CDK13: variants seen among roughly 807,000 people sequenced by gnomAD.
The protein encoded by CDK13 is cyclin dependent kinase 13.
In CDK13, 40 loss-of-function variants were observed where a neutral mutation model predicts 137.6. The observed-to-expected ratio is 0.29, with a 90% CI of 0.23 to 0.38. The LOEUF is 0.38. CDK13 is among the 10% of genes least tolerant of loss of function. The probability of loss-of-function intolerance (pLI) is 1.00; values close to 1 mark genes in which losing one functional copy is unlikely to be tolerated. For missense variants in CDK13, 1,704 were observed against 1,951.8 expected (o/e 0.87, Z 2.39); for synonymous variants, 869 against 760.1 (o/e 1.14, Z -2.36).
intron 1 of CDK13, among the ~76,000 whole-genome samples, chr7:39,966,806 C>G (rs1783882453): frequency 6.6e-6 from 1 of 152,072 alleles, no homozygotes; most frequent in Non-Finnish European, 1.5e-5. Flanking sequence ...GATGTCCTTT[C>G]TGCTTGTTAG....
intron 12 of CDK13, among the ~76,000 whole-genome samples, chr7:40,088,898 C>A (rs533636825): frequency 2.6e-5 from 4 of 151,872 alleles, no homozygotes; most frequent in South Asian, 4.2e-4. Flanking sequence ...TGGCCAACAT[C>A]GCGAAACCCC....
At chr7:40,024,519 A>G (rs1018254053) in intron 5 of CDK13, among the ~76,000 whole-genome samples, 2 of 152,132 alleles carry the variant, frequency 1.3e-5, no homozygotes, top group African/African-American at 4.8e-5. Context: ...TTGCTCTTAA[A>G]AATTCTACCT....
At chr7:40,014,654 A>G (rs1253461535) in intron 5 of CDK13, among the ~76,000 whole-genome samples, 1 of 151,286 alleles carries the variant, frequency 6.6e-6, no homozygotes, top group Admixed American at 6.6e-5. Flanking sequence ...TGTGGTTTCA[A>G]CATGTTGCCG....
At chr7:40,093,393 A>T (rs1274129629) in intron 13 of CDK13, among the ~76,000 whole-genome samples, 156 bp downstream of exon 13, 1 of 152,230 alleles carries the variant, frequency 6.6e-6, no homozygotes, top group Admixed American at 6.5e-5. Context: ...CAGTCTGTTT[A>T]CTTCCAGGAA....
At chr7:39,979,504 C>T (rs1256916790) in intron 1 of CDK13, among the ~76,000 whole-genome samples, 1 of 152,032 alleles carries the variant, frequency 6.6e-6, no homozygotes, top group African/African-American at 2.4e-5. Flanking sequence ...GTCTGAGCCA[C>T]CACACGTGGC....
Position 40,023,644 on chromosome 7 carries a change from C to T in CDK13, c.2353+21613C>T, listed in dbSNP as rs564876559. Among the ~76,000 whole-genome samples, 128 of 152,164 alleles carry T rather than the reference C, an allele frequency of 8.4e-4. 1 individual carries two copies. Among genetic ancestry groups the T allele is most frequent in the Admixed American group, 2.7e-3 (42 of 15,290 alleles). ...CCTTCAGAGTGGCTGGGACTGCAGGCGCCCGCCACCACGCCTGGCTAATTT... is the reference window on the plus strand; with the variant it reads ...CCTTCAGAGTGGCTGGGACTGCAGGTGCCCGCCACCACGCCTGGCTAATTT... On this transcript the variant is annotated intron_variant, in intron 5 of 13. Coordinates refer to ENST00000181839, the MANE Select transcript of CDK13 (RefSeq NM_003718.5).
intron 1 of CDK13, 47 bp downstream of exon 1, chr7:39,951,899 G>C (rs1372090959): frequency 2.3e-6 from 3 of 1,321,296 alleles, no homozygotes; most frequent in Non-Finnish European, 2.9e-6. Flanking sequence ...GCGCTGGCCA[G>C]ATCCCCAGGA....
At position 39,982,651 on chromosome 7, in the gene CDK13, A is replaced by G. The variant is rs867217450; in HGVS notation, c.1212-4948A>G. On this transcript the variant is annotated intron_variant, in intron 1 of 13. Transcript: ENST00000181839. ...ACACCAACAGTGTAAAAGTGTTCCTATTTCTCCACATCCTCTCCAGCACCT... is the reference window on the plus strand; with the variant it reads ...ACACCAACAGTGTAAAAGTGTTCCTGTTTCTCCACATCCTCTCCAGCACCT... Among the ~76,000 whole-genome samples, 90 of 152,238 alleles carry G rather than the reference A, an allele frequency of 5.9e-4. 1 individual carries two copies. Among genetic ancestry groups the G allele is most frequent in the African/African-American group, 2.0e-3 (83 of 41,520 alleles).
chr7:39,958,412 G>A (rs1448690949), intron 1 of CDK13, among the ~76,000 whole-genome samples: 2 of 151,952 alleles, frequency 1.3e-5, no homozygotes, highest in Non-Finnish European at 2.9e-5. Flanking sequence ...GAAATTTTCC[G>A]TTAGTATAGA....
chr7:40,013,852 G>T (rs1289068161), intron 5 of CDK13, among the ~76,000 whole-genome samples: 1 of 152,108 alleles, frequency 6.6e-6, no homozygotes, highest in African/African-American at 2.4e-5. Context: ...AGTCCAAATT[G>T]AGAGGGATAG....
rs1440867640 is a variant in CDK13 at position 40,097,892 on chromosome 7, A to T, written c.*2912A>T. On this transcript the variant is annotated 3_prime_UTR_variant, in exon 14 of 14. Transcript: ENST00000181839. ...AGAGCTTTATTCTGTCAGCAAATAC[A>T]TAGTCAGTGCCTACAACATGCCAGG... 6.6e-6 allele frequency: 1 copy of T among 152,186 alleles called. No homozygotes were observed. The highest frequency in any genetic ancestry group is 1.5e-5 in the Non-Finnish European group (1 of 68,000). 9.4% of individuals were successfully genotyped at this position (152,186 alleles called of 1,614,324 possible). A position where few individuals can be genotyped will look rare whatever the true frequency, so the allele number is the denominator to read the frequency against.
intron 4 of CDK13, 52 bp from the exon 5 acceptor site, chr7:40,001,809 T>C (rs1784691185): frequency 9.0e-7 from 1 of 1,109,666 alleles, no homozygotes; most frequent in Admixed American, 2.2e-5. Flanking sequence ...TTAAGAAAAA[T>C]GTCATCTGCT....
At chr7:40,050,616 C>A (rs1159751540) in intron 7 of CDK13, among the ~76,000 whole-genome samples, 1 of 152,198 alleles carries the variant, frequency 6.6e-6, no homozygotes, top group Non-Finnish European at 1.5e-5. Flanking sequence ...TGGTCTCGAA[C>A]TCGTGACCAC....
Position 39,950,594 on chromosome 7 carries a change from C to T in CDK13, c.-48C>T, listed in dbSNP as rs966745150. ...GCGGGGGAGATGGCCAGGATCTGAC[C>T]CGGGAGGAGGCCGCACCCGCGCCGC... On this transcript the variant is annotated 5_prime_UTR_variant, in exon 1 of 14. Transcript: ENST00000181839. The T allele has an allele frequency of 2.3e-6, 3 of 1,294,236 alleles. No individual in the cohort carries two copies. The highest frequency in any genetic ancestry group is 2.3e-5 in the South Asian group (1 of 44,080). The allele number at this position is 1,294,236 out of a possible 1,614,324, so 80.2% of individuals were successfully genotyped here. A position where few individuals can be genotyped will look rare whatever the true frequency, so the allele number is the denominator to read the frequency against.
chr7:39,981,948 C>A (rs865915207), intron 1 of CDK13, among the ~76,000 whole-genome samples: 9 of 130,020 alleles, frequency 6.9e-5, no homozygotes, highest in African/African-American at 2.3e-4. Context: ...CCCGCCACTA[C>A]GCCCGGCTAA....
At chr7:39,976,313 T>TCACACA (rs1157473700) in intron 1 of CDK13, among the ~76,000 whole-genome samples, 1 of 74,268 alleles carries the variant, frequency 1.3e-5, no homozygotes, top group Non-Finnish European at 3.3e-5. Context: ...TCTCTCTCTC[T>TCACACA]CTCTCTCTCT....
intron 7 of CDK13, chr7:40,048,249 T>C: frequency 5.8e-6 from 1 of 172,304 alleles, no homozygotes; most frequent in Non-Finnish European, 1.2e-5. Flanking sequence ...ACAGATTTTA[T>C]TGTTATATCT....
intron 3 of CDK13, 28 bp from the exon 4 acceptor site, chr7:39,999,333 A>T: frequency 6.4e-7 from 1 of 1,570,950 alleles, no homozygotes; most frequent in African/African-American, 1.4e-5. Flanking sequence ...TTGATTGTAT[A>T]TAAAAACTTT....
chr7:40,053,963 A>G (rs967998287), intron 7 of CDK13, among the ~76,000 whole-genome samples: 6 of 152,176 alleles, frequency 3.9e-5, no homozygotes, highest in African/African-American at 1.4e-4. Flanking sequence ...CACACAACCA[A>G]TAAGTAGTAG....
Sources: gnomAD v4.1 joint callset for allele counts (sites outside exome capture counted in the v4.1 genomes callset) on GRCh38, gnomAD v4.1.1 for gene constraint, MANE v1.5 for transcripts, NCBI Gene and HGNC (gene_info 2026-07-23, HGNC 2026-07-21) for gene names.